Variants in MIDEAS observed in about 807,000 individuals in gnomAD.
The protein encoded by MIDEAS is mitotic deacetylase-associated SANT domain protein.
In MIDEAS, 26 loss-of-function variants were observed where a neutral mutation model predicts 102.7. That is an observed-to-expected ratio of 0.25 (90% confidence interval 0.19 to 0.35). The LOEUF is 0.35. MIDEAS is among the 10% of genes least tolerant of loss of function. The pLI, the probability that MIDEAS is intolerant of heterozygous loss-of-function variation, is 1.00. For synonymous variants in MIDEAS, 585 were observed against 591.0 expected (o/e 0.99, Z 0.15); for missense variants, 1,231 against 1,435.6 (o/e 0.86, Z 2.30).
At position 73,718,522 on chromosome 14, in the gene MIDEAS, G is replaced by C. The variant is rs2052928139; in HGVS notation, c.*321C>G. On this transcript the variant is annotated 3_prime_UTR_variant, in exon 13 of 13. Coordinates refer to ENST00000423556, the MANE Select transcript of MIDEAS (RefSeq NM_001367710.1). ...AGCAAATAAAGGGAAAAGACTGCGG[G>C]GCAGCAGAGCAGCAGAAATCGGAGT... 1 of 239,586 alleles carries C rather than the reference G, an allele frequency of 4.2e-6. No homozygotes were observed. The highest frequency in any genetic ancestry group is 7.9e-6 in the Non-Finnish European group (1 of 125,828). 14.8% of individuals were successfully genotyped at this position (239,586 alleles called of 1,614,324 possible). A position where few individuals can be genotyped will look rare whatever the true frequency, so the allele number is the denominator to read the frequency against.
At chr14:73,726,735 G>C in intron 6 of MIDEAS, 28 bp from the exon 7 acceptor site, 1 of 1,613,850 alleles carries the variant, frequency 6.2e-7, no homozygotes, top group South Asian at 1.1e-5. Context: ...TGAGGAGGGA[G>C]GGGAGGAAAC....
At chr14:73,755,584 T>C (rs1042977428) in intron 1 of MIDEAS, among the ~76,000 whole-genome samples, 1 of 152,048 alleles carries the variant, frequency 6.6e-6, no homozygotes, top group Non-Finnish European at 1.5e-5. Context: ...CAGCTCAGCC[T>C]GGGGCCTGGG....
At chr14:73,775,900 G>A (rs2140173102) in intron 1 of MIDEAS, among the ~76,000 whole-genome samples, 1 of 152,026 alleles carries the variant, frequency 6.6e-6, no homozygotes, top group East Asian at 1.9e-4. Context: ...AAACAAAGCT[G>A]TAGCTCCTTT....
Position 73,716,591 on chromosome 14 carries a change from G to C in MIDEAS, c.*2252C>G, listed in dbSNP as rs1214518251. 2 of 146,502 alleles carry C rather than the reference G, an allele frequency of 1.4e-5. No individual in the cohort carries two copies. Among genetic ancestry groups the C allele is most frequent in the African/African-American group, 5.0e-5 (2 of 39,686 alleles). 9.1% of individuals were successfully genotyped at this position (146,502 alleles called of 1,614,324 possible). A position where few individuals can be genotyped will look rare whatever the true frequency, so the allele number is the denominator to read the frequency against. On this transcript the variant is annotated 3_prime_UTR_variant, in exon 13 of 13. Coordinates refer to ENST00000423556, the MANE Select transcript of MIDEAS (RefSeq NM_001367710.1). ...CCAGCTACTCAGGAGGCTGAGGCAG[G>C]AGAATTCTTTTAACCCAAGAGGCGG...
rs779153346 is a variant in MIDEAS, at chr14:73,729,917, G to A, written c.1818C>T (p.Pro606=). 1.8e-5 allele frequency: 29 copies of A among 1,608,960 alleles called. No individual in the cohort carries two copies. Among genetic ancestry groups the A allele is most frequent in the East Asian group, 4.5e-5 (2 of 44,772 alleles). Residue 606 remains proline (P), a synonymous_variant, in exon 4 of 13, where the codon CCC becomes CCT. Transcript: ENST00000423556. ...CCTTGGTGGGGATGATGAGGGGCTC[G>A]GGCCTGGGCCGCTGCTTTGGTTTCC... ...SVRKPKQRPR[P]EPLIIPTKAG... is the part of the protein sequence containing the mutation.
At chr14:73,762,075 T>C (rs938333661), upstream of MIDEAS, among the ~76,000 whole-genome samples, 3 of 152,182 alleles carry the variant, frequency 2.0e-5, no homozygotes, top group Non-Finnish European at 2.9e-5. Flanking sequence ...GCAAAGCCAT[T>C]TGGTCTCCAG....
chr14:73,737,234 C>G lies in MIDEAS; in HGVS notation c.1513G>C (p.Glu505Gln), dbSNP rs765683919. Residue 505 changes from glutamate to glutamine, a missense_variant, in exon 3 of 13, where the codon GAG becomes CAG. This residue lies in a region of MIDEAS where 758 missense variants were observed against 856.0 expected (regional missense o/e 0.89). Coordinates refer to ENST00000423556, the MANE Select transcript of MIDEAS (RefSeq NM_001367710.1). Reference sequence around the variant, plus strand: ...GTGGCTAAGGAAGGCTCAGAAAACTCCACCCCACACTTGGTAGTTGAGGCC... The same window carrying G: ...GTGGCTAAGGAAGGCTCAGAAAACTGCACCCCACACTTGGTAGTTGAGGCC... ...VLASTTKCGV[E>Q]FSEPSLATKR... 6.2e-7 allele frequency: 1 copy of G among 1,614,124 alleles called. No individual in the cohort carries two copies. Among genetic ancestry groups the G allele is most frequent in the South Asian group, 1.1e-5 (1 of 91,070 alleles).
rs752130899 is a variant in MIDEAS at position 73,727,545 on chromosome 14, TGATA to T, written c.2096-25_2096-22del. The T allele has an allele frequency of 6.9e-6, 11 of 1,589,066 alleles. No homozygotes were observed. The East Asian group carries it at 1.1e-4, about 16-fold the overall frequency. On this transcript the variant is annotated intron_variant, in intron 4 of 12. Coordinates refer to ENST00000423556, the MANE Select transcript of MIDEAS (RefSeq NM_001367710.1). ...ACTGTCTATGGGACAAAGAGCAGGT[TGATA>T]AATAGCACCCCCCTTTCAGCAAAGC...
At chr14:73,788,192 G>A (rs916411326), upstream of MIDEAS, among the ~76,000 whole-genome samples, 5 of 151,830 alleles carry the variant, frequency 3.3e-5, no homozygotes, top group African/African-American at 1.2e-4. Flanking sequence ...CTGCAGTGAA[G>A]GGCTTTCATA....
chr14:73,753,640 T>C (rs560294190), intron 1 of MIDEAS, among the ~76,000 whole-genome samples: 6 of 152,192 alleles, frequency 3.9e-5, no homozygotes, highest in African/African-American at 1.4e-4. Context: ...TTGGAGGAAA[T>C]GAATAGTCCA....
At chr14:73,732,090 G>C (rs1222531116) in intron 3 of MIDEAS, among the ~76,000 whole-genome samples, 1 of 152,180 alleles carries the variant, frequency 6.6e-6, no homozygotes, top group Non-Finnish European at 1.5e-5. Flanking sequence ...TAGAGGCATT[G>C]AGCTGTGGAG....
chr14:73,751,430 C>T (rs767449347), intron 1 of MIDEAS, among the ~76,000 whole-genome samples: 1 of 152,142 alleles, frequency 6.6e-6, no homozygotes, highest in African/African-American at 2.4e-5. Flanking sequence ...TGTGGCTGGT[C>T]GGGTAAAGTG....
intron 1 of MIDEAS, among the ~76,000 whole-genome samples, chr14:73,747,330 GAGGAGCTT>G (rs2053365719): frequency 6.6e-6 from 1 of 152,224 alleles, no homozygotes; most frequent in South Asian, 2.1e-4. Context: ...TCCTGCCTTT[GAGGAGCTT>G]AAGAGCCTGG....
upstream of MIDEAS, among the ~76,000 whole-genome samples, chr14:73,761,539 A>G (rs2053554446): frequency 6.6e-6 from 1 of 152,260 alleles, no homozygotes; most frequent in Non-Finnish European, 1.5e-5. Context: ...AGGAACACTT[A>G]AAACAATCTT....
At chr14:73,777,505 G>T (rs922715112) in intron 1 of MIDEAS, among the ~76,000 whole-genome samples, 2 of 152,000 alleles carry the variant, frequency 1.3e-5, no homozygotes, top group African/African-American at 4.8e-5. Flanking sequence ...GCCCGGCCCT[G>T]CCTGCCCCTT....
At position 73,757,279 on chromosome 14, in the gene MIDEAS, C is replaced by CA. The variant is rs370387448; in HGVS notation, c.-248+2483dup. Among the ~76,000 whole-genome samples, 81 of 67,686 alleles carry CA rather than the reference C, an allele frequency of 1.2e-3. 1 individual carries two copies. The highest frequency in any genetic ancestry group is 1.5e-3 in the South Asian group (2 of 1,292). 44.4% of individuals were successfully genotyped at this position (67,686 alleles called of 152,430 possible). ...AGAGAAAGACCCTATCTCTAACAACCAAAAAAAAAAAAAAACACTAAACAC... is the reference window on the plus strand; with the variant it reads ...AGAGAAAGACCCTATCTCTAACAACCAAAAAAAAAAAAAAAACACTAAACAC... On this transcript the variant is annotated intron_variant, in intron 1 of 12. Transcript: ENST00000423556.
rs139781006 is a variant in MIDEAS, at chr14:73,728,347, G to A, written c.2096-823C>T. On this transcript the variant is annotated intron_variant, in intron 4 of 12. Coordinates refer to ENST00000423556, the MANE Select transcript of MIDEAS (RefSeq NM_001367710.1). ...CAACCCTCCCCTCAGGGTTCAAGGC[G>A]GTTCCGCTTCCATTTGTACCTCCCA... The A allele has an allele frequency of 3.3e-5, 5 of 151,508 alleles. No individual in the cohort carries two copies. In the East Asian group the frequency reaches 5.8e-4, roughly 18 times the overall value. The allele number at this position is 151,508 out of a possible 1,614,324, so 9.4% of individuals were successfully genotyped here.
At chr14:73,732,997 CAGG>C (rs1220685912) in intron 3 of MIDEAS, among the ~76,000 whole-genome samples, 2 of 151,818 alleles carry the variant, frequency 1.3e-5, no homozygotes, top group Non-Finnish European at 2.9e-5. Context: ...GAGGCTGAGG[CAGG>C]AGAATTGCTT....
intron 1 of MIDEAS, among the ~76,000 whole-genome samples, chr14:73,769,644 C>G (rs2053624183): frequency 6.6e-6 from 1 of 152,024 alleles, no homozygotes; most frequent in Non-Finnish European, 1.5e-5. Flanking sequence ...CTCTATTGCC[C>G]AGGCTGGAGT....
Sources: gnomAD v4.1 joint callset for allele counts (sites outside exome capture counted in the v4.1 genomes callset) on GRCh38, gnomAD v4.1.1 for gene constraint, gnomAD v4.1.1 regional missense constraint, MANE v1.5 for transcripts, NCBI Gene and HGNC (gene_info 2026-07-23, HGNC 2026-07-21) for gene names.